The following MALRD1 variants were observed in gnomAD, a reference collection of about 807,000 sequenced individuals.
The protein encoded by MALRD1 is MAM and LDL-receptor class A domain-containing protein 1.
MALRD1 carries 247 observed loss-of-function variants against 242.1 expected under a neutral mutation model. The observed-to-expected ratio is 1.02, with a 90% CI of 0.92 to 1.13. The LOEUF is 1.13. Ranked by LOEUF, MALRD1 falls within the 50% of genes most tolerant of loss-of-function variation. The pLI, the probability that MALRD1 is intolerant of heterozygous loss-of-function variation, is 0.00. For missense variants in MALRD1, 2,989 were observed against 2,533.1 expected (o/e 1.18, Z -3.86); for synonymous variants, 995 against 866.6 (o/e 1.15, Z -2.60).
intron 27 of MALRD1, among the ~76,000 whole-genome samples, chr10:19,388,734 A>C (rs1846198216): frequency 6.6e-6 from 1 of 152,178 alleles, no homozygotes; most frequent in Non-Finnish European, 1.5e-5. Context: ...TAGCAGAATA[A>C]AGCTTGTTAC....
chr10:19,709,198 A>G (rs1424575251), intron 38 of MALRD1, among the ~76,000 whole-genome samples: 11 of 149,750 alleles, frequency 7.3e-5, no homozygotes, highest in East Asian at 4.0e-4. Flanking sequence ...TTTAGGCCAG[A>G]AGTTCAAGAC....
chr10:19,601,210 T>A (rs1170141698), intron 34 of MALRD1, among the ~76,000 whole-genome samples: 2 of 152,100 alleles, frequency 1.3e-5, no homozygotes, highest in Non-Finnish European at 1.5e-5. Context: ...TATTAAAATA[T>A]AATGTCTGAA....
chr10:19,148,246 G>A (rs1235720221), intron 11 of MALRD1, among the ~76,000 whole-genome samples: 2 of 152,042 alleles, frequency 1.3e-5, no homozygotes, highest in African/African-American at 4.8e-5. Context: ...AGTGTGTCAC[G>A]GTGGTCTGAT....
chr10:19,707,606 A>C (rs1833926263), intron 38 of MALRD1, among the ~76,000 whole-genome samples: 1 of 152,150 alleles, frequency 6.6e-6, no homozygotes, highest in African/African-American at 2.4e-5. Context: ...GTGATTGCTT[A>C]ATACAAGTCA....
intron 14 of MALRD1, among the ~76,000 whole-genome samples, chr10:19,195,274 T>C (rs1288072316): frequency 2.0e-5 from 3 of 152,206 alleles, no homozygotes; most frequent in Non-Finnish European, 4.4e-5. Flanking sequence ...AAACATTTTA[T>C]TCACTTGGCT....
chr10:19,594,182 T>C (rs1177429176), intron 33 of MALRD1, among the ~76,000 whole-genome samples: 2 of 152,210 alleles, frequency 1.3e-5, no homozygotes, highest in Admixed American at 1.3e-4. Context: ...TGAAAGTATC[T>C]TTTCACTCGA....
At chr10:19,591,561 C>T (rs908746090) in intron 33 of MALRD1, among the ~76,000 whole-genome samples, 4 of 143,546 alleles carry the variant, frequency 2.8e-5, no homozygotes, top group African/African-American at 1.0e-4. Context: ...TGCAGTTGCA[C>T]TATCTTGGCT....
chr10:19,631,405 G>C (rs1200836580), intron 36 of MALRD1, among the ~76,000 whole-genome samples: 1 of 152,184 alleles, frequency 6.6e-6, no homozygotes, highest in Non-Finnish European at 1.5e-5. Context: ...TGATTGGCAT[G>C]TAAGTTGATC....
At chr10:19,478,439 T>G (rs1242363888) in intron 29 of MALRD1, among the ~76,000 whole-genome samples, 3 of 152,164 alleles carry the variant, frequency 2.0e-5, no homozygotes, top group African/African-American at 7.2e-5. Context: ...AATATAGCAA[T>G]TAGAAAATAT....
intron 36 of MALRD1, among the ~76,000 whole-genome samples, chr10:19,683,030 A>G (rs1174008105): frequency 6.6e-6 from 1 of 151,130 alleles, no homozygotes; most frequent in East Asian, 1.9e-4. Context: ...ACAGTGGCTG[A>G]CTCCTGTAAT....
At chr10:19,477,665 A>G (rs1431329050) in intron 29 of MALRD1, among the ~76,000 whole-genome samples, 1 of 152,186 alleles carries the variant, frequency 6.6e-6, no homozygotes, top group Non-Finnish European at 1.5e-5. Flanking sequence ...TTTCTTGCAG[A>G]GAGAGAGGGG....
rs576691746 is a variant in MALRD1, at chr10:19,294,242, C to G, written c.3419+11061C>G. Among the ~76,000 whole-genome samples, 282 of 152,226 alleles carry G rather than the reference C, an allele frequency of 1.9e-3. 1 individual carries two copies. The highest frequency in any genetic ancestry group is 2.2e-3 in the Non-Finnish European group (149 of 67,998). On this transcript the variant is annotated intron_variant, in intron 21 of 39. Coordinates refer to ENST00000454679, the MANE Select transcript of MALRD1 (RefSeq NM_001142308.3). ...AGAAATAATTGTACTTACATTCTAA[C>G]TCCTGTGAAGAATTGTTATAATTGC... is the stretch of plus-strand genomic sequence containing the variant.
intron 33 of MALRD1, among the ~76,000 whole-genome samples, chr10:19,588,613 T>A (rs1005394884): frequency 1.3e-5 from 2 of 152,186 alleles, no homozygotes; most frequent in African/African-American, 2.4e-5. Context: ...ATTTGTACAC[T>A]GATTCCCTAA....
At chr10:19,226,183 G>A (rs1211657552) in intron 18 of MALRD1, among the ~76,000 whole-genome samples, 1 of 152,024 alleles carries the variant, frequency 6.6e-6, no homozygotes, top group Non-Finnish European at 1.5e-5. Context: ...ATCTCAAGTT[G>A]GTTTCAACAA....
intron 28 of MALRD1, among the ~76,000 whole-genome samples, chr10:19,398,048 T>C (rs1209991248): frequency 6.6e-6 from 1 of 152,100 alleles, no homozygotes; most frequent in Non-Finnish European, 1.5e-5. Flanking sequence ...GTTCCTTATA[T>C]ATTCTGGATA....
rs747153017 is a variant in MALRD1 at position 19,082,092 on chromosome 10, T to C, written c.341-5748T>C. ...GTATGACTTATTTTTTTCTTATTACTCTATTCCTCCATTACTACCTTATTT... is the reference window on the plus strand; with the variant it reads ...GTATGACTTATTTTTTTCTTATTACCCTATTCCTCCATTACTACCTTATTT... On this transcript the variant is annotated intron_variant, in intron 2 of 39. Transcript: ENST00000454679. Among the ~76,000 whole-genome samples the C allele has an allele frequency of 2.6e-5, 4 of 151,968 alleles. No individual in the cohort carries two copies. In the East Asian group the frequency reaches 7.8e-4, roughly 29 times the overall value.
intron 14 of MALRD1, among the ~76,000 whole-genome samples, chr10:19,197,196 C>T (rs1365652395): frequency 6.6e-6 from 1 of 152,068 alleles, no homozygotes; most frequent in African/African-American, 2.4e-5. Flanking sequence ...GGGAAATCAC[C>T]CCCATGATCC....
At chr10:19,314,674 T>C (rs1469049653) in intron 21 of MALRD1, among the ~76,000 whole-genome samples, 7 of 151,610 alleles carry the variant, frequency 4.6e-5, no homozygotes, top group Admixed American at 2.0e-4. Flanking sequence ...TTTGTAAATA[T>C]GGTTTTATTG....
At position 19,453,093 on chromosome 10, in the gene MALRD1, C is replaced by G. The variant is rs1253205587; in HGVS notation, c.5029+2603C>G. Among the ~76,000 whole-genome samples, 3 of 152,152 alleles carry G rather than the reference C, an allele frequency of 2.0e-5. No individual in the cohort carries two copies. The East Asian group carries it at 5.8e-4, about 29-fold the overall frequency. On this transcript the variant is annotated intron_variant, in intron 29 of 39. Transcript: ENST00000454679. ...TTACAGTGGTCATCATTATTATTAA[C>G]ATGCCATATTCTCAAATGATGCTTT...
Sources: gnomAD v4.1 joint callset for allele counts (sites outside exome capture counted in the v4.1 genomes callset) on GRCh38, gnomAD v4.1.1 for gene constraint, MANE v1.5 for transcripts, NCBI Gene and HGNC (gene_info 2026-07-23, HGNC 2026-07-21) for gene names.